Variants in RNF175 observed in about 807,000 individuals in gnomAD.
RNF175 encodes ring finger protein 175.
RNF175 carries 38 observed loss-of-function variants against 50.0 expected under a neutral mutation model. That is an observed-to-expected ratio of 0.76 (90% CI 0.59 to 1.00). The LOEUF is 1.00. Among genes scored for constraint, RNF175 ranks in the 50% least tolerant of loss-of-function variants. RNF175 has a pLI of 0.00. For synonymous variants in RNF175, 155 were observed against 146.1 expected (o/e 1.06, Z -0.44); for missense variants, 388 against 409.6 (o/e 0.95, Z 0.46).
At chr4:153,712,399 G>A in intron 8 of RNF175, 76 bp downstream of exon 8, 1 of 1,007,934 alleles carries the variant, frequency 9.9e-7, no homozygotes, top group Non-Finnish European at 1.5e-6. Flanking sequence ...CAAAAACACT[G>A]AAACTTTTCA....
intron 3 of RNF175, among the ~76,000 whole-genome samples, chr4:153,745,211 G>A (rs921063685): frequency 1.3e-5 from 2 of 152,126 alleles, no homozygotes; most frequent in South Asian, 2.1e-4. Flanking sequence ...TTCCAGGACC[G>A]GCAGCTTCAA....
intron 6 of RNF175, among the ~76,000 whole-genome samples, chr4:153,718,256 G>A (rs1738110664): frequency 1.3e-5 from 1 of 74,648 alleles, no homozygotes; most frequent in Non-Finnish European, 2.4e-5. Context: ...TTTTTTTGAA[G>A]CAGATGCACT....
chr4:153,733,240 T>C lies in RNF175; in HGVS notation c.247-4879A>G, dbSNP rs191411738. Among the ~76,000 whole-genome samples the C allele has an allele frequency of 2.7e-3, 416 of 152,300 alleles. 3 individuals carry two copies. Among genetic ancestry groups the C allele is most frequent in the African/African-American group, 9.1e-3 (378 of 41,562 alleles). On this transcript the variant is annotated intron_variant, in intron 3 of 8. Transcript: ENST00000347063. Reference sequence around the variant, plus strand: ...TTAAGTACATGATCTGAATTATGCATAAAAGAATGTGAAAATAATAATCCT... The same window carrying C: ...TTAAGTACATGATCTGAATTATGCACAAAAGAATGTGAAAATAATAATCCT...
intron 3 of RNF175, among the ~76,000 whole-genome samples, chr4:153,740,406 G>A (rs557535041): frequency 1.3e-5 from 2 of 152,120 alleles, no homozygotes; most frequent in African/African-American, 4.8e-5. Context: ...ATCAAATCAG[G>A]CTAATTAGCA....
chr4:153,719,546 A>G (rs1287950731), intron 6 of RNF175, among the ~76,000 whole-genome samples: 1 of 152,230 alleles, frequency 6.6e-6, no homozygotes, highest in African/African-American at 2.4e-5. Context: ...TGATATCTGA[A>G]TCAGGAATAC....
chr4:153,748,841 C>CA (rs145820112), intron 2 of RNF175, 55 bp from the exon 3 acceptor site: 201 of 1,409,470 alleles, frequency 1.4e-4, no homozygotes, highest in East Asian at 5.2e-4. Flanking sequence ...GCGCATTTAG[C>CA]AAAAAAAACA....
chr4:153,726,877 C>T (rs1738729833), intron 4 of RNF175, among the ~76,000 whole-genome samples: 1 of 152,138 alleles, frequency 6.6e-6, no homozygotes, highest in Non-Finnish European at 1.5e-5. Context: ...TGGAGTTGTG[C>T]AGGCAGGAAG....
intron 1 of RNF175, among the ~76,000 whole-genome samples, chr4:153,754,399 T>C (rs976631418): frequency 4.6e-5 from 7 of 152,078 alleles, no homozygotes; most frequent in African/African-American, 1.7e-4. Context: ...AGTGAGGTAG[T>C]CTGGGAGCAG....
In RNF175 at chr4:153,723,517, AAC is replaced by A. The variant is rs1029600670; in HGVS notation, c.402-61_402-60del. The stretch of plus-strand genomic sequence containing the variant: ...ACAGAAACACAGAAAAATGGGGAGA[AAC>A]ACAGTAATATTATAAAATATTTTGT... On this transcript the variant is annotated intron_variant, in intron 4 of 8. Coordinates refer to ENST00000347063, the MANE Select transcript of RNF175 (RefSeq NM_173662.4). 9 of 741,022 alleles carry A rather than the reference AAC, an allele frequency of 1.2e-5. No homozygotes were observed. In the African/African-American group the frequency reaches 1.6e-4, roughly 13 times the overall value. 45.9% of individuals were successfully genotyped at this position (741,022 alleles called of 1,614,324 possible).
At chr4:153,735,347 G>T (rs12504447) in intron 3 of RNF175, among the ~76,000 whole-genome samples, 39,141 of 151,898 alleles carry the variant, frequency 0.26, 6,242 homozygotes, top group South Asian at 0.41. Flanking sequence ...ATTTGTTTGG[G>T]GGTCTATTTG....
At position 153,723,323 on chromosome 4, in the gene RNF175, T is replaced by C. The variant is rs903263269; in HGVS notation, c.509+28A>G. Reference sequence around the variant, plus strand: ...AGTGTGCCAAGCAAGTGCTTGGAGATATTAATGTCTTAATTGGAGATACTT... The same window carrying C: ...AGTGTGCCAAGCAAGTGCTTGGAGACATTAATGTCTTAATTGGAGATACTT... On this transcript the variant is annotated intron_variant, in intron 5 of 8. Coordinates refer to ENST00000347063, the MANE Select transcript of RNF175 (RefSeq NM_173662.4). The C allele has an allele frequency of 2.7e-6, 3 of 1,103,254 alleles. No homozygotes were observed. In the African/African-American group the frequency reaches 4.5e-5, roughly 17 times the overall value. The allele number at this position is 1,103,254 out of a possible 1,614,324, so 68.3% of individuals were successfully genotyped here. A position where few individuals can be genotyped will look rare whatever the true frequency, so the allele number is the denominator to read the frequency against.
At chr4:153,732,265 AAAG>A (rs770676904) in intron 3 of RNF175, among the ~76,000 whole-genome samples, 2 of 152,048 alleles carry the variant, frequency 1.3e-5, no homozygotes, top group Admixed American at 6.5e-5. Context: ...AACAAAAAAC[AAAG>A]AAGAAGAAGA....
In RNF175 at chr4:153,710,436, A is replaced by G. The variant is rs1462302959; in HGVS notation, c.920T>C (p.Leu307Ser). 6.3e-7 allele frequency: 1 copy of G among 1,598,120 alleles called. No individual in the cohort carries two copies. Among genetic ancestry groups the G allele is most frequent in the East Asian group, 2.2e-5 (1 of 44,618 alleles). Residue 307 changes from leucine (L) to serine (S), a missense_variant, in exon 9 of 9, where the codon TTG becomes TCG. By Grantham distance (145) the Leu-to-Ser change is moderately radical (BLOSUM62 -2). Transcript: ENST00000347063. Reference sequence around the variant, plus strand: ...TATCACCACAGGTTGCCAGGCCACCAAATAACGAAGCCAATCCAGGATTTG... The same window carrying G: ...TATCACCACAGGTTGCCAGGCCACCGAATAACGAAGCCAATCCAGGATTTG... ...YGQILDWLRY[L>S]VAWQPVVIGI...
Position 153,748,570 on chromosome 4 carries a change from G to C in RNF175, c.246+75C>G. The C allele has an allele frequency of 2.2e-6, 3 of 1,371,702 alleles. 1 individual carries two copies. In the South Asian group the frequency reaches 4.5e-5, roughly 21 times the overall value. The allele number at this position is 1,371,702 out of a possible 1,614,324, so 85.0% of individuals were successfully genotyped here. On this transcript the variant is annotated intron_variant, in intron 3 of 8. Coordinates refer to ENST00000347063, the MANE Select transcript of RNF175 (RefSeq NM_173662.4). ...TTCCTTCAAAGTGCTAACCAAGGGA[G>C]AACATGTCCTGGAAAAAAACAGTCA...
At chr4:153,754,465 C>T (rs1740465231) in intron 1 of RNF175, among the ~76,000 whole-genome samples, 1 of 152,140 alleles carries the variant, frequency 6.6e-6, no homozygotes, top group Admixed American at 6.5e-5. Context: ...GTGGGAGATC[C>T]TATCTACCAC....
chr4:153,716,694 A>G (rs1289654602), intron 6 of RNF175, among the ~76,000 whole-genome samples: 1 of 152,318 alleles, frequency 6.6e-6, no homozygotes, highest in East Asian at 1.9e-4. Context: ...GAATTGGCCC[A>G]CACATTTGTG....
At chr4:153,751,411 A>G (rs1466680579) in intron 2 of RNF175, 27 bp downstream of exon 2, 2 of 1,465,906 alleles carry the variant, frequency 1.4e-6, no homozygotes, top group East Asian at 4.9e-5. Context: ...TTAGCAAAAC[A>G]ACTCTTAAAA....
At chr4:153,720,482 C>T (rs1047023288) in intron 5 of RNF175, 178 bp from the exon 6 acceptor site, 3 of 548,708 alleles carry the variant, frequency 5.5e-6, no homozygotes, top group Non-Finnish European at 9.6e-6. Context: ...GAATTTCCCT[C>T]AAATTGTAGC....
chr4:153,735,246 G>A (rs1478222879), intron 3 of RNF175, among the ~76,000 whole-genome samples: 1 of 142,820 alleles, frequency 7.0e-6, no homozygotes, highest in Non-Finnish European at 1.5e-5. Context: ...TTTTTGGCAT[G>A]TGAAAATCCA....
Sources: allele counts gnomAD v4.1 joint callset (sites outside exome capture counted in the v4.1 genomes callset), GRCh38; gene constraint gnomAD v4.1.1; transcripts MANE v1.5; gene names NCBI Gene and HGNC (gene_info 2026-07-23, HGNC 2026-07-21).